The following MROH9 variants were observed in gnomAD, a reference collection of about 807,000 sequenced individuals.
The protein encoded by MROH9 is maestro heat-like repeat-containing protein family member 9.
MROH9 carries 92 observed loss-of-function variants against 98.2 expected under a neutral mutation model. The ratio of observed to expected loss-of-function variants is 0.94; its 90% CI spans 0.79 to 1.11. MROH9 has a LOEUF of 1.11. Ranked by LOEUF, MROH9 falls within the 50% of genes most tolerant of loss-of-function variation. MROH9 has a pLI of 0.00. For missense variants in MROH9, 1,057 were observed against 1,014.8 expected (o/e 1.04, Z -0.57); for synonymous variants, 397 against 368.9 (o/e 1.08, Z -0.87).
rs577952544 is a variant in MROH9 at position 170,964,997 on chromosome 1, C to A, written c.376-154C>A. 2.0e-5 allele frequency among the ~76,000 whole-genome samples: 3 copies of A among 151,862 alleles called. No homozygotes were observed. The South Asian group carries it at 6.2e-4, about 32-fold the overall frequency. The stretch of plus-strand genomic sequence containing the variant: ...AGTAGATGAAGTAGTATACTAGATG[C>A]TTATTGTCTGTGTTTTTGAGATAAA... On this transcript the variant is annotated intron_variant, in intron 6 of 21. Transcript: ENST00000367759.
chr1:171,038,967 T>C (rs1653200803), intron 20 of MROH9, among the ~76,000 whole-genome samples: 1 of 152,076 alleles, frequency 6.6e-6, no homozygotes, highest in Non-Finnish European at 1.5e-5. Flanking sequence ...ATACTGAACC[T>C]GCATTTCTGC....
chr1:171,032,279 T>C (rs1213867302), intron 20 of MROH9, among the ~76,000 whole-genome samples: 1 of 152,216 alleles, frequency 6.6e-6, no homozygotes, highest in East Asian at 1.9e-4. Flanking sequence ...GCTACTACTG[T>C]CGATTCATCC....
intron 7 of MROH9, among the ~76,000 whole-genome samples, chr1:170,966,168 A>C (rs551906356): frequency 3.3e-4 from 50 of 152,246 alleles, no homozygotes; most frequent in African/African-American, 1.2e-3. Flanking sequence ...ATTTGCATTC[A>C]TGTAAATATT....
At chr1:171,008,421 C>T (rs927105707) in intron 15 of MROH9, among the ~76,000 whole-genome samples, 4 of 152,060 alleles carry the variant, frequency 2.6e-5, no homozygotes, top group African/African-American at 7.2e-5. Flanking sequence ...TTATGTGTTG[C>T]CTCTCATATT....
At chr1:170,992,390 T>C (rs1651392302) in intron 12 of MROH9, 61 bp downstream of exon 12, 4 of 1,527,116 alleles carry the variant, frequency 2.6e-6, no homozygotes. Context: ...TGAAAATCCC[T>C]ATCTGCCCAC....
intron 4 of MROH9, 106 bp from the exon 5 acceptor site, chr1:170,959,356 C>G: frequency 9.3e-7 from 1 of 1,071,456 alleles, no homozygotes; most frequent in Non-Finnish European, 1.3e-6. Context: ...GCCTGGGTGA[C>G]AGAGCGAGAC....
chr1:170,989,796 G>C, intron 10 of MROH9, 59 bp from the exon 11 acceptor site: 2 of 1,472,278 alleles, frequency 1.4e-6, no homozygotes, highest in Non-Finnish European at 1.8e-6. Flanking sequence ...GAAATGCCTT[G>C]GTTTAGAGGT....
intron 14 of MROH9, among the ~76,000 whole-genome samples, chr1:170,997,361 T>C (rs1003298464): frequency 6.6e-6 from 1 of 152,134 alleles, no homozygotes; most frequent in Non-Finnish European, 1.5e-5. Context: ...TGAATGTCAC[T>C]CTAAGGGTAT....
Position 170,974,955 on chromosome 1 carries a change from T to C in MROH9, c.616+3072T>C, listed in dbSNP as rs1650623282. Among the ~76,000 whole-genome samples the C allele has an allele frequency of 2.0e-5, 3 of 152,136 alleles. No individual in the cohort carries two copies. In the South Asian group the frequency reaches 6.2e-4, roughly 32 times the overall value. ...AAACTAATAAGTTAAGGATGTATCA[T>C]CTAAACCCTAAAGCCACCATTAAGA... On this transcript the variant is annotated intron_variant, in intron 8 of 21. Coordinates refer to ENST00000367759, the MANE Select transcript of MROH9 (RefSeq NM_001163629.2).
Position 171,024,155 on chromosome 1 carries a change from A to G in MROH9, c.1909-240A>G, listed in dbSNP as rs531252264. Among the ~76,000 whole-genome samples, 48 of 152,286 alleles carry G rather than the reference A, an allele frequency of 3.2e-4. 1 individual carries two copies. Among genetic ancestry groups the G allele is most frequent in the African/African-American group, 1.2e-3 (48 of 41,558 alleles). ...CTTAGGTTAATTCCATATCTTGGCT[A>G]TTGTGAATAATAGGTAGGCAAATAT... On this transcript the variant is annotated intron_variant, in intron 17 of 21. Coordinates refer to ENST00000367759, the MANE Select transcript of MROH9 (RefSeq NM_001163629.2).
intron 3 of MROH9, among the ~76,000 whole-genome samples, chr1:170,955,395 A>G (rs1649720868): frequency 6.6e-6 from 1 of 152,122 alleles, no homozygotes; most frequent in South Asian, 2.1e-4. Context: ...GAATCTCCAC[A>G]CTGTTTTCCA....
intron 3 of MROH9, among the ~76,000 whole-genome samples, chr1:170,956,809 C>A (rs533144298): frequency 4.6e-5 from 7 of 151,876 alleles, no homozygotes; most frequent in African/African-American, 1.7e-4. Flanking sequence ...AAACAGTGAC[C>A]GTTTGACTTC....
intron 1 of MROH9, among the ~76,000 whole-genome samples, chr1:170,944,730 AT>A (rs1485838485): frequency 6.6e-6 from 1 of 152,068 alleles, no homozygotes; most frequent in Non-Finnish European, 1.5e-5. Flanking sequence ...ATAATCCACT[AT>A]GATGATACAA....
At position 170,990,014 on chromosome 1, in the gene MROH9, C is replaced by T. The variant is rs1436897454; in HGVS notation, c.1028+11C>T. ...AGTTCCAGCAGACGAGTAAGGCCCCCCAACCCTCTGTCCCTTCCACAAGGG... is the reference window on the plus strand; with the variant it reads ...AGTTCCAGCAGACGAGTAAGGCCCCTCAACCCTCTGTCCCTTCCACAAGGG... On this transcript the variant is annotated intron_variant, in intron 11 of 21. Transcript: ENST00000367759. The T allele has an allele frequency of 1.9e-6, 3 of 1,606,584 alleles. No homozygotes were observed. The highest frequency in any genetic ancestry group is 2.2e-5 in the East Asian group (1 of 44,648).
intron 8 of MROH9, among the ~76,000 whole-genome samples, chr1:170,978,340 G>T (rs538194599): frequency 1.3e-5 from 2 of 152,266 alleles, no homozygotes; most frequent in Non-Finnish European, 2.9e-5. Context: ...ATAGAACTCT[G>T]CTGTGGCAGT....
At chr1:170,977,484 T>C (rs1650749662) in intron 8 of MROH9, among the ~76,000 whole-genome samples, 1 of 152,048 alleles carries the variant, frequency 6.6e-6, no homozygotes, top group South Asian at 2.1e-4. Flanking sequence ...CATGGTAGGG[T>C]ATGTTAGTGA....
chr1:171,041,781 T>C (rs1217253797), intron 20 of MROH9, among the ~76,000 whole-genome samples: 1 of 152,046 alleles, frequency 6.6e-6, no homozygotes, highest in Non-Finnish European at 1.5e-5. Context: ...TGCAAGATGG[T>C]ATCTCATTGT....
intron 8 of MROH9, among the ~76,000 whole-genome samples, chr1:170,978,419 A>G (rs931144406): frequency 2.0e-5 from 3 of 152,252 alleles, no homozygotes; most frequent in African/African-American, 7.2e-5. Context: ...ACCAGTGGAT[A>G]TGCTCAGCCA....
At chr1:171,041,145 G>A (rs1309087220) in intron 20 of MROH9, among the ~76,000 whole-genome samples, 7 of 151,398 alleles carry the variant, frequency 4.6e-5, no homozygotes, top group South Asian at 2.1e-4. Context: ...ACCCTCCCAC[G>A]TTTTGGAGTC....
Sources: allele counts gnomAD v4.1 joint callset (sites outside exome capture counted in the v4.1 genomes callset), GRCh38; gene constraint gnomAD v4.1.1; transcripts MANE v1.5; gene names NCBI Gene and HGNC (gene_info 2026-07-23, HGNC 2026-07-21).